ACYP2: variants seen among roughly 807,000 people sequenced by gnomAD.
ACYP2 encodes acylphosphatase 2.
A neutral mutation model predicts 11.2 loss-of-function variants in ACYP2; 12 were observed. The observed-to-expected ratio is 1.08, with a 90% CI of 0.69 to 1.74. The LOEUF (loss-of-function observed/expected upper bound fraction) is 1.74. Ranked by LOEUF, ACYP2 falls within the 40% of genes most tolerant of loss-of-function variation. The probability of loss-of-function intolerance (pLI) is 0.00; values close to 1 mark genes in which losing one functional copy is unlikely to be tolerated. For missense variants in ACYP2, 134 were observed against 101.9 expected, an observed-to-expected ratio of 1.31 and a Z score of -1.35; for synonymous variants, 43 against 32.2, an observed-to-expected ratio of 1.33 and a Z score of -1.13.
intron 6 of ACYP2, among the ~76,000 whole-genome samples, chr2:54,252,738 C>T: frequency 6.6e-6 from 1 of 151,946 alleles, no homozygotes; most frequent in South Asian, 2.1e-4. Flanking sequence ...CCCCGTCTCT[C>T]CTAAAAATAC....
rs568042294 is a variant in ACYP2, at chr2:54,175,271, G to A, written c.404+36523G>A. On this transcript the variant is annotated intron_variant, in intron 6 of 6. Transcript: ENST00000607452. ...GGTTTAGTCTTGGGAGGGTGTATGT[G>A]TCGAGGAATTTATCCATTTCTTCTA... Among the ~76,000 whole-genome samples the A allele has an allele frequency of 5.3e-5, 8 of 152,268 alleles. 1 individual carries two copies. The South Asian group carries it at 1.7e-3, about 31-fold the overall frequency.
At chr2:54,234,188 C>T (rs189078676) in intron 6 of ACYP2, among the ~76,000 whole-genome samples, 48 of 152,284 alleles carry the variant, frequency 3.2e-4, no homozygotes, top group African/African-American at 1.1e-3. Flanking sequence ...TGAAGCTTTC[C>T]TGGGCATTTT....
intron 4 of ACYP2, among the ~76,000 whole-genome samples, chr2:54,110,181 C>T (rs1335678069): frequency 6.6e-6 from 1 of 152,014 alleles, no homozygotes; most frequent in Non-Finnish European, 1.5e-5. Flanking sequence ...ATAATGAATC[C>T]CCATCTACCC....
At chr2:54,052,112 A>AGGAGAAGGAGGAGGATGAAGAT (rs1675898563) in intron 3 of ACYP2, among the ~76,000 whole-genome samples, 1 of 151,810 alleles carries the variant, frequency 6.6e-6, no homozygotes, top group Non-Finnish European at 1.5e-5. Flanking sequence ...GAAGAGGATG[A>AGGAGAAGGAGGAGGATGAAGAT]GGAGAAGGAG....
At chr2:54,194,411 T>C (rs1037684629) in intron 6 of ACYP2, among the ~76,000 whole-genome samples, 5 of 152,160 alleles carry the variant, frequency 3.3e-5, no homozygotes, top group African/African-American at 1.2e-4. Flanking sequence ...AAAACATCAA[T>C]ATTTGGAAGT....
At chr2:54,144,952 G>C (rs1010017342) in intron 6 of ACYP2, among the ~76,000 whole-genome samples, 1 of 151,918 alleles carries the variant, frequency 6.6e-6, no homozygotes, top group Non-Finnish European at 1.5e-5. Flanking sequence ...CCTAGTTGCC[G>C]TTGTTTTTAG....
chr2:54,077,547 G>A lies in ACYP2; in HGVS notation c.277+20187G>A, dbSNP rs200079495. Among the ~76,000 whole-genome samples the A allele has an allele frequency of 8.5e-5, 13 of 152,346 alleles. No individual in the cohort carries two copies. The East Asian group carries it at 2.5e-3, about 29-fold the overall frequency. On this transcript the variant is annotated intron_variant, in intron 4 of 6. Transcript: ENST00000607452. ...GGAAGATAATTATCAACAAGGGCAA[G>A]ACAGCCAGTACAAGGAAAGGGGACT...
intron 6 of ACYP2, among the ~76,000 whole-genome samples, chr2:54,187,434 C>A (rs2103880254): frequency 6.6e-6 from 1 of 152,238 alleles, no homozygotes; most frequent in South Asian, 2.1e-4. Flanking sequence ...ACGTGGATGG[C>A]CTGAGACTAC....
At chr2:54,234,931 C>G (rs1452964736) in intron 6 of ACYP2, among the ~76,000 whole-genome samples, 1 of 152,190 alleles carries the variant, frequency 6.6e-6, no homozygotes, top group Non-Finnish European at 1.5e-5. Flanking sequence ...TCTTTTCAAA[C>G]TGATGTCTTA....
chr2:54,131,987 T>C (rs1419634447), intron 4 of ACYP2, among the ~76,000 whole-genome samples: 1 of 152,202 alleles, frequency 6.6e-6, no homozygotes, highest in Non-Finnish European at 1.5e-5. Context: ...ATGGACTACG[T>C]GTTTCTAATT....
At chr2:54,079,676 C>T (rs909453093) in intron 4 of ACYP2, among the ~76,000 whole-genome samples, 1 of 152,190 alleles carries the variant, frequency 6.6e-6, no homozygotes, top group African/African-American at 2.4e-5. Flanking sequence ...ATAAAACCAA[C>T]GTTGAAACCT....
At chr2:53,974,686 G>A (rs74336645) in intron 2 of ACYP2, among the ~76,000 whole-genome samples, 5,676 of 152,246 alleles carry the variant, frequency 0.037, 142 homozygotes, top group Non-Finnish European at 0.058. Flanking sequence ...TGACATACTA[G>A]TATAATAGAA....
rs552758312 is a variant in ACYP2 at position 53,998,415 on chromosome 2, A to G, written c.62+24605A>G. On this transcript the variant is annotated intron_variant, in intron 2 of 6. Coordinates refer to ENST00000607452, the MANE Select transcript of ACYP2 (RefSeq NM_001320586.2). ...GAGATACTTGAGCATATTAACAGAA[A>G]AAGTGAAAGAGGATGATTAATAAAC... Among the ~76,000 whole-genome samples, 61 of 152,340 alleles carry G rather than the reference A, an allele frequency of 4.0e-4. 1 individual carries two copies. Among genetic ancestry groups the G allele is most frequent in the African/African-American group, 1.5e-3 (61 of 41,590 alleles).
chr2:54,163,135 C>G (rs572663192), intron 6 of ACYP2, among the ~76,000 whole-genome samples: 102 of 152,166 alleles, frequency 6.7e-4, no homozygotes, highest in Non-Finnish European at 1.0e-3. Flanking sequence ...TAACAAACTC[C>G]CAAACAGTAT....
intron 2 of ACYP2, among the ~76,000 whole-genome samples, chr2:54,017,593 A>G (rs1211048257): frequency 1.3e-5 from 2 of 152,228 alleles, no homozygotes; most frequent in East Asian, 3.9e-4. Context: ...TGGAAAACAC[A>G]TTCAGCCCAT....
intron 4 of ACYP2, among the ~76,000 whole-genome samples, chr2:54,078,329 C>T (rs1354780422): frequency 6.7e-6 from 1 of 150,042 alleles, no homozygotes; most frequent in East Asian, 2.0e-4. Flanking sequence ...TCTACTGTCC[C>T]AATAAGAAGT....
chr2:53,990,226 G>A (rs1030778600), intron 2 of ACYP2, among the ~76,000 whole-genome samples: 5 of 151,804 alleles, frequency 3.3e-5, no homozygotes, highest in African/African-American at 9.7e-5. Context: ...TGACTTACCC[G>A]CCTCGGCCTC....
At chr2:54,201,619 T>TTCC (rs1684790733) in intron 6 of ACYP2, among the ~76,000 whole-genome samples, 1 of 82,794 alleles carries the variant, frequency 1.2e-5, no homozygotes, top group Non-Finnish European at 2.5e-5. Flanking sequence ...TTTCTTTCTT[T>TTCC]CTTTGTTTCT....
At chr2:54,003,591 G>T (rs1258245131) in intron 2 of ACYP2, among the ~76,000 whole-genome samples, 1 of 152,136 alleles carries the variant, frequency 6.6e-6, no homozygotes, top group African/African-American at 2.4e-5. Context: ...ACTGAATAAT[G>T]TTCAGTTGTC....
Sources: allele counts gnomAD v4.1 joint callset (sites outside exome capture counted in the v4.1 genomes callset), GRCh38; gene constraint gnomAD v4.1.1; transcripts MANE v1.5; gene names NCBI Gene and HGNC (gene_info 2026-07-23, HGNC 2026-07-21).